PPFIA1: variants seen among roughly 807,000 people sequenced by gnomAD.
PPFIA1 encodes liprin-alpha-1.
PPFIA1 carries 25 observed loss-of-function variants against 149.9 expected under a neutral mutation model. The observed-to-expected ratio is 0.17, with a 90% CI of 0.12 to 0.23. The LOEUF is 0.23. Among genes scored for constraint, PPFIA1 ranks in the 10% least tolerant of loss-of-function variants. The pLI, the probability that PPFIA1 is intolerant of heterozygous loss-of-function variation, is 1.00. For synonymous variants in PPFIA1, 549 were observed against 552.8 expected (o/e 0.99, Z 0.10); for missense variants, 1,362 against 1,506.5 (o/e 0.90, Z 1.59).
intron 2 of PPFIA1, among the ~76,000 whole-genome samples, chr11:70,308,485 G>A (rs1402279897): frequency 6.6e-6 from 1 of 152,212 alleles, no homozygotes; most frequent in Non-Finnish European, 1.5e-5. Context: ...TTATATTCCT[G>A]TAAGCATGAT....
At chr11:70,304,665 G>C (rs1454596496) in intron 2 of PPFIA1, among the ~76,000 whole-genome samples, 1 of 152,126 alleles carries the variant, frequency 6.6e-6, no homozygotes, top group African/African-American at 2.4e-5. Flanking sequence ...GGTCTTGTGG[G>C]ACTGAGCCTT....
Position 70,383,288 on chromosome 11 carries a change from A to C in PPFIA1, c.*298A>C, listed in dbSNP as rs1434310340. The stretch of plus-strand genomic sequence containing the variant: ...AAATATCCTTTCAAATCATGTTCTT[A>C]TACCTAATTTTAGTCTTTCAAATGA... On this transcript the variant is annotated 3_prime_UTR_variant, in exon 28 of 28. Coordinates refer to ENST00000253925, the MANE Select transcript of PPFIA1 (RefSeq NM_003626.5). 3.9e-6 allele frequency: 1 copy of C among 255,388 alleles called. No individual in the cohort carries two copies. The highest frequency in any genetic ancestry group is 7.5e-6 in the Non-Finnish European group (1 of 134,180). The allele number at this position is 255,388 out of a possible 1,614,324, so 15.8% of individuals were successfully genotyped here.
chr11:70,311,836 C>CTTT lies in PPFIA1; in HGVS notation c.265-12542_265-12540dup, dbSNP rs140584652. Among the ~76,000 whole-genome samples, 142 of 70,110 alleles carry CTTT rather than the reference C, an allele frequency of 2.0e-3. 28 individuals carry two copies. Among genetic ancestry groups the CTTT allele is most frequent in the African/African-American group, 7.8e-3 (129 of 16,472 alleles). 46.0% of individuals were successfully genotyped at this position (70,110 alleles called of 152,430 possible). A position where few individuals can be genotyped will look rare whatever the true frequency, so the allele number is the denominator to read the frequency against. ...CAAACATGGAAGGACAGTGAGTCAGCTTTTTTTTTTTTTTTTTTTTTTTTT... is the reference window on the plus strand; with the variant it reads ...CAAACATGGAAGGACAGTGAGTCAGCTTTTTTTTTTTTTTTTTTTTTTTTTTTT... On this transcript the variant is annotated intron_variant, in intron 2 of 27. Coordinates refer to ENST00000253925, the MANE Select transcript of PPFIA1 (RefSeq NM_003626.5).
chr11:70,377,882 T>C lies in PPFIA1; in HGVS notation c.3385-148T>C, dbSNP rs2057550880. On this transcript the variant is annotated intron_variant, in intron 25 of 27. Transcript: ENST00000253925. Reference sequence around the variant, plus strand: ...CACGCTGAAGTTCCAGGTTGGGCAATATATTGTGTGGTCATCAAGAAGGGA... The same window carrying C: ...CACGCTGAAGTTCCAGGTTGGGCAACATATTGTGTGGTCATCAAGAAGGGA... The C allele has an allele frequency of 7.4e-6, 5 of 678,406 alleles. No homozygotes were observed. The South Asian group carries it at 1.0e-4, about 14-fold the overall frequency. 42.0% of individuals were successfully genotyped at this position (678,406 alleles called of 1,614,324 possible).
intron 2 of PPFIA1, chr11:70,283,940 A>G (rs1020245305): frequency 1.6e-5 from 8 of 506,820 alleles, no homozygotes; most frequent in African/African-American, 5.8e-5. Flanking sequence ...AGGTTTAGGT[A>G]TAAAGAATCA....
In PPFIA1 at chr11:70,304,407, G is replaced by T. The variant is rs559504613; in HGVS notation, c.265-19995G>T. 3.3e-5 allele frequency among the ~76,000 whole-genome samples: 5 copies of T among 152,208 alleles called. 1 individual carries two copies. The South Asian group carries it at 1.0e-3, about 32-fold the overall frequency. On this transcript the variant is annotated intron_variant, in intron 2 of 27. Transcript: ENST00000253925. ...GGTCTCAAATTCCTGGCCTTAAGCA[G>T]CCCTCCCGTCTTAGCCTCCCAAAGT...
At chr11:70,315,676 CTGTTTTTTTTTTTTT>C (rs1386198512) in intron 2 of PPFIA1, among the ~76,000 whole-genome samples, 1 of 56,062 alleles carries the variant, frequency 1.8e-5, no homozygotes, top group African/African-American at 7.0e-5. Flanking sequence ...TTCTTTTTTT[CTGTTTTTTTTTTTTT>C]TTTTTTTTTT....
intron 14 of PPFIA1, chr11:70,341,029 GC>G (rs1393882662): frequency 5.7e-6 from 2 of 353,400 alleles, no homozygotes; most frequent in African/African-American, 5.4e-5. Flanking sequence ...GGAAGCCACA[GC>G]CTTCACTTCC....
intron 21 of PPFIA1, chr11:70,365,479 C>G (rs1206086670): frequency 4.4e-6 from 2 of 455,660 alleles, no homozygotes; most frequent in African/African-American, 2.0e-5. Flanking sequence ...GCGCGTTTTC[C>G]ACTTAAGACC....
At chr11:70,333,960 A>C (rs1174934903) in intron 10 of PPFIA1, among the ~76,000 whole-genome samples, 1 of 152,110 alleles carries the variant, frequency 6.6e-6, no homozygotes, top group Non-Finnish European at 1.5e-5. Context: ...CTGAATTCCC[A>C]CATGCAGGTC....
chr11:70,285,455 G>A (rs111264388), intron 2 of PPFIA1, among the ~76,000 whole-genome samples: 6 of 152,084 alleles, frequency 3.9e-5, no homozygotes, highest in African/African-American at 1.4e-4. Context: ...GCCGAGATGG[G>A]CAGATCACGA....
At chr11:70,281,276 A>G (rs1242767845) in intron 2 of PPFIA1, among the ~76,000 whole-genome samples, 1 of 152,150 alleles carries the variant, frequency 6.6e-6, no homozygotes, top group Non-Finnish European at 1.5e-5. Flanking sequence ...TGCCCAGAGT[A>G]GGGACAGATC....
chr11:70,291,881 A>G (rs1452751278), intron 2 of PPFIA1, among the ~76,000 whole-genome samples: 1 of 128,380 alleles, frequency 7.8e-6, no homozygotes, highest in African/African-American at 3.0e-5. Flanking sequence ...TCTGTCGCCC[A>G]GGCTGGAGTG....
chr11:70,317,876 TA>T (rs2053726186), intron 2 of PPFIA1, among the ~76,000 whole-genome samples: 1 of 152,298 alleles, frequency 6.6e-6, no homozygotes, highest in Non-Finnish European at 1.5e-5. Context: ...GGCTTTCATT[TA>T]AAGGTGACGA....
At chr11:70,283,173 A>C (rs375983163) in intron 2 of PPFIA1, among the ~76,000 whole-genome samples, 2 of 151,404 alleles carry the variant, frequency 1.3e-5, no homozygotes, top group East Asian at 3.9e-4. Context: ...TTTTTAAAGC[A>C]AATATTGCCT....
At chr11:70,272,466 AT>A in intron 2 of PPFIA1, 30 bp downstream of exon 2, 1 of 1,550,806 alleles carries the variant, frequency 6.4e-7, no homozygotes, top group Non-Finnish European at 8.7e-7. Flanking sequence ...GAAACTATAG[AT>A]TTTTCTCCAC....
At chr11:70,283,573 G>A (rs1456720944) in intron 2 of PPFIA1, among the ~76,000 whole-genome samples, 1 of 152,204 alleles carries the variant, frequency 6.6e-6, no homozygotes, top group African/African-American at 2.4e-5. Flanking sequence ...GTGCTGGATG[G>A]ATTGAGGAGG....
intron 2 of PPFIA1, among the ~76,000 whole-genome samples, chr11:70,288,968 T>G (rs1364964764): frequency 1.2e-5 from 1 of 83,420 alleles, no homozygotes; most frequent in Admixed American, 1.2e-4. Flanking sequence ...CATCTGGTTG[T>G]TTTTTTTTTT....
intron 21 of PPFIA1, chr11:70,367,479 G>C (rs34887852): frequency 0.018 from 8,255 of 455,734 alleles, 104 homozygotes; most frequent in African/African-American, 0.036. Context: ...ATTTTATGGA[G>C]TTCATAAGAC....
Sources: gnomAD v4.1 joint callset for allele counts (sites outside exome capture counted in the v4.1 genomes callset) on GRCh38, gnomAD v4.1.1 for gene constraint, MANE v1.5 for transcripts, NCBI Gene and HGNC (gene_info 2026-07-23, HGNC 2026-07-21) for gene names.